DNAJC16: variants seen among roughly 807,000 people sequenced by gnomAD.
DNAJC16 encodes the protein DnaJ heat shock protein family (Hsp40) member C16.
Under a neutral mutation model 92.7 loss-of-function variants are expected in DNAJC16, and 76 were observed. That is an observed-to-expected ratio of 0.82 (90% confidence interval 0.68 to 0.99). The LOEUF is 0.99. Among genes scored for constraint, DNAJC16 ranks in the 50% least tolerant of loss-of-function variants. The pLI, the probability that DNAJC16 is intolerant of heterozygous loss-of-function variation, is 0.00. For synonymous variants in DNAJC16, 328 were observed against 358.7 expected, an observed-to-expected ratio of 0.91 and a Z score of 0.97; for missense variants, 869 against 942.4, an observed-to-expected ratio of 0.92 and a Z score of 1.02.
In DNAJC16 at chr1:15,570,525, C is replaced by T. The variant is rs9298; in HGVS notation, c.*2348C>T. 0.3 allele frequency: 46,157 copies of T among 151,990 alleles called. 7,430 individuals carry two copies. The highest frequency in any genetic ancestry group is 0.58 in the East Asian group (3,021 of 5,172). 9.4% of individuals were successfully genotyped at this position (151,990 alleles called of 1,614,324 possible). ...CATGCCAGATTTGTTCATTTTTAAA[C>T]ATTTTTATCTCTTCAAGTCATCTTT... On this transcript the variant is annotated 3_prime_UTR_variant, in exon 15 of 15. Transcript: ENST00000375847.
intron 4 of DNAJC16, among the ~76,000 whole-genome samples, chr1:15,538,797 CATCCT>C (rs1342221539): frequency 6.6e-6 from 1 of 152,224 alleles, no homozygotes; most frequent in Admixed American, 6.5e-5. Flanking sequence ...GAAAAAAAGT[CATCCT>C]AAATACTGGC....
At position 15,536,528 on chromosome 1, in the gene DNAJC16, A is replaced by G; in HGVS notation, c.288A>G (p.Gly96=). The change falls in exon 4 of 15, where the codon GGA becomes GGG. Residue 96 remains glycine, a synonymous_variant. Coordinates refer to ENST00000375847, the MANE Select transcript of DNAJC16 (RefSeq NM_015291.4). ...RSNYDQYGDA[G]ENQGYQKQQQ... is the part of the protein sequence containing the mutation. Reference sequence around the variant, plus strand: ...ATTATGATCAATATGGAGACGCTGGAGAGAACCAGGGCTACCAGAAGCAGC... The same window carrying G: ...ATTATGATCAATATGGAGACGCTGGGGAGAACCAGGGCTACCAGAAGCAGC... The G allele has an allele frequency of 6.2e-7, 1 of 1,613,890 alleles. No homozygotes were observed. Among genetic ancestry groups the G allele is most frequent in the South Asian group, 1.1e-5 (1 of 91,038 alleles).
rs472909 is a variant in DNAJC16 at position 15,566,277 on chromosome 1, A to G, written c.1778+97A>G. ...CATTGGAACATAGAGTGTAGAGAAG[A>G]ACTCTCATGCACCTCCTCCCATGTA... On this transcript the variant is annotated intron_variant, in intron 13 of 14. Transcript: ENST00000375847. 308 of 986,944 alleles carry G rather than the reference A, an allele frequency of 3.1e-4. 1 individual carries two copies. The African/African-American group carries it at 4.4e-3, about 14-fold the overall frequency. 61.1% of individuals were successfully genotyped at this position (986,944 alleles called of 1,614,324 possible). A position where few individuals can be genotyped will look rare whatever the true frequency, so the allele number is the denominator to read the frequency against.
Position 15,534,248 on chromosome 1 carries a change from A to G in DNAJC16, c.179A>G (p.Lys60Arg). 2 of 1,614,078 alleles carry G rather than the reference A, an allele frequency of 1.2e-6. No homozygotes were observed. Among genetic ancestry groups the G allele is most frequent in the Non-Finnish European group, 1.7e-6 (2 of 1,179,982 alleles). Residue 60 changes from lysine to arginine, a missense_variant, in exon 3 of 15, where the codon AAA becomes AGA. By Grantham distance (26) the Lys-to-Arg change is conservative (BLOSUM62 2). Coordinates refer to ENST00000375847, the MANE Select transcript of DNAJC16 (RefSeq NM_015291.4). Reference protein sequence around the residue: ...KKLAREWHPDKNKDPGAEDKF... With the variant: ...KKLAREWHPDRNKDPGAEDKF... ...TGTTTGTGTTTCAGGCATCCTGACA[A>G]AAACAAAGATCCTGGAGCAGAAGAC...
chr1:15,559,392 AG>A, intron 7 of DNAJC16, 133 bp from the exon 8 acceptor site: 1 of 1,165,230 alleles, frequency 8.6e-7, no homozygotes, highest in Non-Finnish European at 1.2e-6. Flanking sequence ...TCGCTCAAAC[AG>A]GTCTGTCTTG....
chr1:15,566,772 T>C (rs1462834296), intron 13 of DNAJC16, among the ~76,000 whole-genome samples: 2 of 152,108 alleles, frequency 1.3e-5, no homozygotes, highest in African/African-American at 4.8e-5. Flanking sequence ...TAGTCCCAGC[T>C]ACTTGGGAGG....
intron 7 of DNAJC16, among the ~76,000 whole-genome samples, chr1:15,555,234 A>G (rs1042711290): frequency 2.7e-4 from 41 of 151,244 alleles, no homozygotes; most frequent in African/African-American, 7.3e-4. Context: ...AAAAAAGAAA[A>G]AAAAAAGCCA....
chr1:15,535,277 G>T (rs1217301449), intron 3 of DNAJC16, among the ~76,000 whole-genome samples: 1 of 152,198 alleles, frequency 6.6e-6, no homozygotes, highest in Non-Finnish European at 1.5e-5. Flanking sequence ...GAGCCCTGGT[G>T]ATCAACATTA....
intron 7 of DNAJC16, among the ~76,000 whole-genome samples, chr1:15,549,897 T>C (rs575309000): frequency 6.6e-6 from 1 of 152,140 alleles, no homozygotes; most frequent in Admixed American, 6.5e-5. Flanking sequence ...ATTGTTAGAA[T>C]TGTTCTATTT....
At chr1:15,542,372 T>A (rs1331567594) in intron 4 of DNAJC16, 1 of 152,236 alleles carries the variant, frequency 6.6e-6, no homozygotes, top group African/African-American at 2.4e-5. Context: ...AGTTCCCAGG[T>A]GGCTGAACAC....
At chr1:15,527,789 TA>T (rs1710553778) in intron 1 of DNAJC16, among the ~76,000 whole-genome samples, 1 of 152,236 alleles carries the variant, frequency 6.6e-6, no homozygotes, top group Non-Finnish European at 1.5e-5. Context: ...CCACCACTGT[TA>T]TAGCTTTGCC....
chr1:15,552,006 G>C (rs1404943498), intron 7 of DNAJC16, among the ~76,000 whole-genome samples: 1 of 150,938 alleles, frequency 6.6e-6, no homozygotes, highest in East Asian at 2.0e-4. Flanking sequence ...ACTCCAGCCT[G>C]GGTGAGAATG....
intron 7 of DNAJC16, among the ~76,000 whole-genome samples, chr1:15,554,102 C>A (rs1431920118): frequency 1.3e-5 from 2 of 152,014 alleles, no homozygotes; most frequent in Admixed American, 1.3e-4. Flanking sequence ...ACTTGGAGGG[C>A]TGAGGCAGGA....
intron 8 of DNAJC16, 61 bp from the exon 9 acceptor site, chr1:15,562,081 T>G: frequency 2.0e-6 from 3 of 1,515,902 alleles, no homozygotes; most frequent in Non-Finnish European, 1.8e-6. Flanking sequence ...TCACTTGCCA[T>G]TATAGGTGCT....
intron 5 of DNAJC16, among the ~76,000 whole-genome samples, chr1:15,545,715 G>A (rs1172215149): frequency 2.6e-5 from 4 of 152,210 alleles, no homozygotes; most frequent in Non-Finnish European, 1.5e-5. Flanking sequence ...GCACCTTCAC[G>A]CTCCTTTAAG....
chr1:15,548,973 A>G (rs1235457111), intron 7 of DNAJC16, among the ~76,000 whole-genome samples: 1 of 152,246 alleles, frequency 6.6e-6, no homozygotes, highest in Non-Finnish European at 1.5e-5. Flanking sequence ...TGAGAAGACT[A>G]ATAACCATTT....
At chr1:15,551,682 C>G (rs940288429) in intron 7 of DNAJC16, among the ~76,000 whole-genome samples, 6 of 151,518 alleles carry the variant, frequency 4.0e-5, no homozygotes, top group African/African-American at 1.5e-4. Context: ...GGCACAGACT[C>G]GGCTCACTGC....
At chr1:15,558,046 CT>C (rs773403782) in intron 7 of DNAJC16, among the ~76,000 whole-genome samples, 1 of 151,598 alleles carries the variant, frequency 6.6e-6, no homozygotes, top group Non-Finnish European at 1.5e-5. Context: ...AATTTTTGTA[CT>C]TTTAGTAGAG....
rs924432172 is a variant in DNAJC16 at position 15,564,384 on chromosome 1, T to C, written c.1598+25T>C. The C allele has an allele frequency of 4.8e-6, 7 of 1,456,706 alleles. No individual in the cohort carries two copies. In the African/African-American group the frequency reaches 9.7e-5, roughly 20 times the overall value. 90.2% of individuals were successfully genotyped at this position (1,456,706 alleles called of 1,614,324 possible). A position where few individuals can be genotyped will look rare whatever the true frequency, so the allele number is the denominator to read the frequency against. ...GGTAGGGATATTGCCAGGCTGAATT[T>C]CTTTTTCTCTGTTAATACTGATATC... On this transcript the variant is annotated intron_variant, in intron 11 of 14. Transcript: ENST00000375847.
Sources: gnomAD v4.1 joint callset for allele counts (sites outside exome capture counted in the v4.1 genomes callset) on GRCh38, gnomAD v4.1.1 for gene constraint, MANE v1.5 for transcripts, NCBI Gene and HGNC (gene_info 2026-07-23, HGNC 2026-07-21) for gene names.